KIF2B: variants seen among roughly 807,000 people sequenced by gnomAD.
KIF2B encodes the protein kinesin family member 2B.
KIF2B carries 5 observed loss-of-function variants against 6.8 expected under a neutral mutation model. The ratio of observed to expected loss-of-function variants is 0.74; its 90% confidence interval spans 0.39 to 1.55. The LOEUF is 1.55. KIF2B is among the 40% of genes most tolerant of loss of function. The probability of loss-of-function intolerance (pLI) is 0.03; values close to 1 mark genes in which losing one functional copy is unlikely to be tolerated. For synonymous variants in KIF2B, 370 were observed against 330.7 expected (o/e 1.12, Z -1.29); for missense variants, 908 against 831.3 (o/e 1.09, Z -1.13).
At position 53,823,287 on chromosome 17, in the gene KIF2B, C is replaced by G. The variant is rs1327414049; in HGVS notation, c.254C>G (p.Ser85Cys). 1.9e-6 allele frequency: 3 copies of G among 1,614,192 alleles called. No homozygotes were observed. Among genetic ancestry groups the G allele is most frequent in the Non-Finnish European group, 2.5e-6 (3 of 1,180,038 alleles). The change falls in exon 1 of 1, where the codon TCT (serine) becomes TGT (cysteine). Residue 85 changes from serine to cysteine, a missense_variant. Transcript: ENST00000268919. ...TILLLNPALD[S>C]AEHPMPPPPL... Reference sequence around the variant, plus strand: ...CTCCTGCTGAATCCAGCTCTGGACTCTGCTGAACACCCCATGCCGCCCCCG... The same window carrying G: ...CTCCTGCTGAATCCAGCTCTGGACTGTGCTGAACACCCCATGCCGCCCCCG...
Position 53,823,874 on chromosome 17 carries a change from C to T in KIF2B, c.841C>T (p.Gln281Ter), listed in dbSNP as rs2143782279. 1 of 1,614,230 alleles carries T rather than the reference C, an allele frequency of 6.2e-7. No homozygotes were observed. Among genetic ancestry groups the T allele is most frequent in the Non-Finnish European group, 8.5e-7 (1 of 1,180,036 alleles). Reference sequence around the variant, plus strand: ...CAAAGCCTCCAACGAGTTGGTGTACCAGTTCACCGCCCAGCCACTGGTGGA... The same window carrying T: ...CAAAGCCTCCAACGAGTTGGTGTACTAGTTCACCGCCCAGCCACTGGTGGA... ...DDKASNELVYQFTAQPLVESI... is the reference protein window; with the variant it reads ...DDKASNELVY Residue 281 changes from glutamine (Q) to a stop codon, truncating the protein, a stop_gained, in exon 1 of 1, where the codon CAG becomes TAG. Coordinates refer to ENST00000268919, the MANE Select transcript of KIF2B (RefSeq NM_032559.5). LOFTEE classifies it low-confidence loss of function (END_TRUNC).
chr17:53,824,924 C>A lies in KIF2B; in HGVS notation c.1891C>A (p.His631Asn). The A allele has an allele frequency of 6.2e-7, 1 of 1,614,060 alleles. No individual in the cohort carries two copies. Among genetic ancestry groups the A allele is most frequent in the Non-Finnish European group, 8.5e-7 (1 of 1,179,994 alleles). The change falls in exon 1 of 1, where the codon CAC becomes AAC. Residue 631 changes from histidine to asparagine, a missense_variant. His to Asn is a moderately conservative substitution (Grantham distance 68, BLOSUM62 1). Coordinates refer to ENST00000268919, the MANE Select transcript of KIF2B (RefSeq NM_032559.5). The part of the protein sequence containing the change: ...ENIQERAGGV[H>N]HDIDFCIARS... ...CATCCAGGAGAGAGCTGGTGGAGTA[C>A]ACCATGATATTGATTTTTGCATTGC...
Position 53,824,762 on chromosome 17 carries a change from C to T in KIF2B, c.1729C>T (p.Gln577Ter), listed in dbSNP as rs1307780614. ...CATCGGAAATTCAGAAATGTCCCTT[C>T]AGAGGGATGAATTTATTAAAATACC... ...SHIGNSEMSL[Q>*]RDEFIKIPYV... Residue 577 changes from glutamine to a stop codon, truncating the protein, a stop_gained, in exon 1 of 1, where the codon CAG becomes TAG. Transcript: ENST00000268919. LOFTEE classifies it low-confidence loss of function (END_TRUNC). The T allele has an allele frequency of 6.2e-7, 1 of 1,614,098 alleles. No homozygotes were observed. The highest frequency in any genetic ancestry group is 1.3e-5 in the African/African-American group (1 of 75,034).
At position 53,823,633 on chromosome 17, in the gene KIF2B, C is replaced by G. The variant is rs770735164; in HGVS notation, c.600C>G (p.Ser200Arg). 6.2e-7 allele frequency: 1 copy of G among 1,613,730 alleles called. No individual in the cohort carries two copies. The highest frequency in any genetic ancestry group is 8.5e-7 in the Non-Finnish European group (1 of 1,180,044). Reference protein sequence around the residue: ...MIEEYRRHLDSSKISVLEPPQ... With the variant: ...MIEEYRRHLDRSKISVLEPPQ... ...AAGAGTATCGCAGGCACCTGGACAG[C>G]AGCAAGATCTCAGTCCTGGAGCCCC... Residue 200 changes from serine to arginine, a missense_variant, in exon 1 of 1, where the codon AGC (serine) becomes AGG (arginine). Physicochemically the swap from Ser to Arg is moderately radical, Grantham distance 110. Transcript: ENST00000268919.
rs768727956 is a variant in KIF2B at position 53,824,485 on chromosome 17, T to C, written c.1452T>C (p.Ala484=). ...TAGCCCTCAAAGAATGTATTCTGGC[T>C]TTGGGTCAGAACAAGCCTCACACCC... is the stretch of plus-strand genomic sequence containing the variant. ...SLLALKECIL[A]LGQNKPHTPF... The change falls in exon 1 of 1, where the codon GCT becomes GCC. Residue 484 remains alanine, a synonymous_variant. Coordinates refer to ENST00000268919, the MANE Select transcript of KIF2B (RefSeq NM_032559.5). The C allele has an allele frequency of 3.7e-6, 6 of 1,614,134 alleles. No homozygotes were observed. The South Asian group carries it at 6.6e-5, about 18-fold the overall frequency.
rs150987659 is a variant in KIF2B at position 53,824,939 on chromosome 17, T to A, written c.1906T>A (p.Phe636Ile). The A allele has an allele frequency of 1.2e-6, 2 of 1,613,986 alleles. No individual in the cohort carries two copies. Among genetic ancestry groups the A allele is most frequent in the Non-Finnish European group, 1.7e-6 (2 of 1,180,014 alleles). Reference protein sequence around the residue: ...RAGGVHHDIDFCIARSLSILE... With the variant: ...RAGGVHHDIDICIARSLSILE... The stretch of plus-strand genomic sequence containing the variant: ...TGGTGGAGTACACCATGATATTGAT[T>A]TTTGCATTGCCCGGTCTTTGTCCAT... The change falls in exon 1 of 1, where the codon TTT (phenylalanine) becomes ATT (isoleucine). Residue 636 changes from phenylalanine (F) to isoleucine (I), a missense_variant. By Grantham distance (21) the Phe-to-Ile change is conservative. Transcript: ENST00000268919.
rs1040618464 is a variant in KIF2B, at chr17:53,823,120, C to T, written c.87C>T (p.Gly29=). The change falls in exon 1 of 1, where the codon GGC becomes GGT. Residue 29 remains glycine, a synonymous_variant. Transcript: ENST00000268919. Reference sequence around the variant, plus strand: ...CACATTTCGGAGACATCCAAGAGGGCATCTACGTGGCGATCCAGCGCAGTG... The same window carrying T: ...CACATTTCGGAGACATCCAAGAGGGTATCTACGTGGCGATCCAGCGCAGTG... ...LKPHFGDIQE[G]IYVAIQRSDK... The T allele has an allele frequency of 6.2e-7, 1 of 1,614,206 alleles. No homozygotes were observed. Among genetic ancestry groups the T allele is most frequent in the Non-Finnish European group, 8.5e-7 (1 of 1,180,032 alleles).
At position 53,824,292 on chromosome 17, in the gene KIF2B, C is replaced by A. The variant is rs113829988; in HGVS notation, c.1259C>A (p.Ala420Asp). The A allele has an allele frequency of 6.2e-7, 1 of 1,614,112 alleles. No homozygotes were observed. Residue 420 changes from alanine to aspartate, a missense_variant, in exon 1 of 1, where the codon GCT becomes GAT. Ala to Asp is a moderately radical substitution (Grantham distance 126, BLOSUM62 -2). Coordinates refer to ENST00000268919, the MANE Select transcript of KIF2B (RefSeq NM_032559.5). ...ACTTCCAGGCAAACACCTGTCAACGCTCACTCATCCAGGAGCCATGCAGTG... is the reference window on the plus strand; with the variant it reads ...ACTTCCAGGCAAACACCTGTCAACGATCACTCATCCAGGAGCCATGCAGTG... ...CRTSRQTPVN[A>D]HSSRSHAVFQ...
Position 53,823,182 on chromosome 17 carries a change from A to C in KIF2B, c.149A>C (p.Asn50Thr). 1 of 1,614,246 alleles carries C rather than the reference A, an allele frequency of 6.2e-7. No homozygotes were observed. The highest frequency in any genetic ancestry group is 8.5e-7 in the Non-Finnish European group (1 of 1,180,050). ...CACCTCGCTGTGGTCACGGAGATCA[A>C]CAGAGAAAACTATTGGGTCACGGTA... ...RIHLAVVTEI[N>T]RENYWVTVEW... The change falls in exon 1 of 1, where the codon AAC becomes ACC. Residue 50 changes from asparagine (N) to threonine (T), a missense_variant. By Grantham distance (65) the Asn-to-Thr change is moderately conservative. Coordinates refer to ENST00000268919, the MANE Select transcript of KIF2B (RefSeq NM_032559.5).
chr17:53,823,011 C>A lies in KIF2B; in HGVS notation c.-23C>A. 1 of 1,603,118 alleles carries A rather than the reference C, an allele frequency of 6.2e-7. No homozygotes were observed. The highest frequency in any genetic ancestry group is 1.1e-5 in the South Asian group (1 of 89,380). ...CCAACCCCAAGGGCCCTGGAGCGCTCCCTGATACCTCCATCACTCACCATG... is the reference window on the plus strand; with the variant it reads ...CCAACCCCAAGGGCCCTGGAGCGCTACCTGATACCTCCATCACTCACCATG... On this transcript the variant is annotated 5_prime_UTR_variant, in exon 1 of 1. Coordinates refer to ENST00000268919, the MANE Select transcript of KIF2B (RefSeq NM_032559.5).
In KIF2B at chr17:53,823,322, C is replaced by T. The variant is rs2143778868; in HGVS notation, c.289C>T (p.Pro97Ser). The stretch of plus-strand genomic sequence containing the variant: ...CCCCATGCCGCCCCCGCCCTTATCC[C>T]CCTTGGCTCTGGCGCCCTCTTCGGC... ...EHPMPPPPLSPLALAPSSAIR... is the reference protein window; with the variant it reads ...EHPMPPPPLSSLALAPSSAIR... The change falls in exon 1 of 1, where the codon CCC (proline) becomes TCC (serine). Residue 97 changes from proline to serine, a missense_variant. Coordinates refer to ENST00000268919, the MANE Select transcript of KIF2B (RefSeq NM_032559.5). The T allele has an allele frequency of 1.2e-6, 2 of 1,614,180 alleles. No homozygotes were observed. Among genetic ancestry groups the T allele is most frequent in the Non-Finnish European group, 1.7e-6 (2 of 1,180,036 alleles).
In KIF2B at chr17:53,823,081, G is replaced by A. The variant is rs1395173995; in HGVS notation, c.48G>A (p.Leu16=). 6.2e-7 allele frequency: 1 copy of A among 1,614,118 alleles called. No homozygotes were observed. ...CTGAATCCCCATGTCTCTCGCCCCT[G>A]AAACCCTTGAAGCCACATTTCGGAG... The part of the protein sequence containing the change: ...CLPESPCLSP[L]KPLKPHFGDI... Residue 16 remains leucine (L), a synonymous_variant, in exon 1 of 1, where the codon CTG becomes CTA. Transcript: ENST00000268919.
chr17:53,823,654 G>A lies in KIF2B; in HGVS notation c.621G>A (p.Glu207=), dbSNP rs1449209118. 2 of 1,613,838 alleles carry A rather than the reference G, an allele frequency of 1.2e-6. No individual in the cohort carries two copies. The highest frequency in any genetic ancestry group is 1.7e-6 in the Non-Finnish European group (2 of 1,180,062). ...HLDSSKISVL[E]PPQEHRICVC... ...ACAGCAGCAAGATCTCAGTCCTGGA[G>A]CCCCCGCAAGAACATCGCATCTGCG... Residue 207 remains glutamate (E), a synonymous_variant, in exon 1 of 1, where the codon GAG becomes GAA. Coordinates refer to ENST00000268919, the MANE Select transcript of KIF2B (RefSeq NM_032559.5).
At position 53,824,231 on chromosome 17, in the gene KIF2B, G is replaced by A. The variant is rs1906498446; in HGVS notation, c.1198G>A (p.Val400Met). 1.2e-6 allele frequency: 2 copies of A among 1,614,184 alleles called. No homozygotes were observed. The highest frequency in any genetic ancestry group is 1.7e-6 in the Non-Finnish European group (2 of 1,180,036). The change falls in exon 1 of 1, where the codon GTG becomes ATG. Residue 400 changes from valine (V) to methionine (M), a missense_variant. Coordinates refer to ENST00000268919, the MANE Select transcript of KIF2B (RefSeq NM_032559.5). ...GAAAGAGGTGTGTTGTGTGGAGGAA[G>A]TGCTGAACCTGGTGGAAATAGGGAA... ...QEKEVCCVEE[V>M]LNLVEIGNSC...
At position 53,824,162 on chromosome 17, in the gene KIF2B, C is replaced by T. The variant is rs1906495803; in HGVS notation, c.1129C>T (p.Leu377Phe). 2.5e-6 allele frequency: 4 copies of T among 1,614,140 alleles called. No individual in the cohort carries two copies. Among genetic ancestry groups the T allele is most frequent in the Admixed American group, 1.7e-5 (1 of 60,016 alleles). Reference sequence around the variant, plus strand: ...GAACTGGAAGAAGAAGCTGCAAGTCCTTGAGGATGGCAATCAGCAAATCCA... The same window carrying T: ...GAACTGGAAGAAGAAGCTGCAAGTCTTTGAGGATGGCAATCAGCAAATCCA... ...LLNWKKKLQV[L>F]EDGNQQIQVV... The change falls in exon 1 of 1, where the codon CTT becomes TTT. Residue 377 changes from leucine to phenylalanine, a missense_variant. Coordinates refer to ENST00000268919, the MANE Select transcript of KIF2B (RefSeq NM_032559.5).
At position 53,823,992 on chromosome 17, in the gene KIF2B, C is replaced by T. The variant is rs368097093; in HGVS notation, c.959C>T (p.Thr320Met). 16 of 1,614,212 alleles carry T rather than the reference C, an allele frequency of 9.9e-6. No homozygotes were observed. Among genetic ancestry groups the T allele is most frequent in the South Asian group, 4.4e-5 (4 of 91,090 alleles). The stretch of plus-strand genomic sequence containing the variant: ...ACCATGGGTGGAGACTTTTCAGGAA[C>T]GGCCCAAGATTGTTCTAAGGGCATT... ...TYTMGGDFSG[T>M]AQDCSKGIYA... The change falls in exon 1 of 1, where the codon ACG (threonine) becomes ATG (methionine). Residue 320 changes from threonine to methionine, a missense_variant. Transcript: ENST00000268919.
rs2143781400 is a variant in KIF2B at position 53,823,732 on chromosome 17, G to A, written c.699G>A (p.Leu233=). The part of the protein sequence containing the change: ...LNQRETTLKD[L]DIITVPSDNV... ...AGCGAGAGACAACCTTAAAGGACCT[G>A]GATATCATCACCGTCCCCTCGGACA... The change falls in exon 1 of 1, where the codon CTG becomes CTA. Residue 233 remains leucine (L), a synonymous_variant. Coordinates refer to ENST00000268919, the MANE Select transcript of KIF2B (RefSeq NM_032559.5). 1.2e-6 allele frequency: 2 copies of A among 1,614,164 alleles called. No homozygotes were observed. The highest frequency in any genetic ancestry group is 1.7e-6 in the Non-Finnish European group (2 of 1,180,022).
rs1319076815 is a variant in KIF2B, at chr17:53,825,009, T to C, written c.1976T>C (p.Leu659Pro). 4 of 1,613,650 alleles carry C rather than the reference T, an allele frequency of 2.5e-6. No individual in the cohort carries two copies. Among genetic ancestry groups the C allele is most frequent in the Non-Finnish European group, 3.4e-6 (4 of 1,179,800 alleles). ...IDALTEIQKK[L>P]KLLLADLHVK... ...GCTCTGACCGAGATCCAAAAGAAAC[T>C]GAAATTATTACTAGCTGACCTCCAC... Residue 659 changes from leucine (L) to proline (P), a missense_variant, in exon 1 of 1, where the codon CTG becomes CCG. Coordinates refer to ENST00000268919, the MANE Select transcript of KIF2B (RefSeq NM_032559.5).
chr17:53,823,646 G>C lies in KIF2B; in HGVS notation c.613G>C (p.Val205Leu), dbSNP rs144963921. Residue 205 changes from valine (V) to leucine (L), a missense_variant, in exon 1 of 1, where the codon GTC (valine) becomes CTC (leucine). Physicochemically the swap from Val to Leu is conservative, Grantham distance 32 (BLOSUM62 1). Coordinates refer to ENST00000268919, the MANE Select transcript of KIF2B (RefSeq NM_032559.5). Reference protein sequence around the residue: ...RRHLDSSKISVLEPPQEHRIC... With the variant: ...RRHLDSSKISLLEPPQEHRIC... ...GCACCTGGACAGCAGCAAGATCTCA[G>C]TCCTGGAGCCCCCGCAAGAACATCG... 177 of 1,613,762 alleles carry C rather than the reference G, an allele frequency of 1.1e-4. No homozygotes were observed. The highest frequency in any genetic ancestry group is 1.6e-5 in the Non-Finnish European group (19 of 1,180,054).
Sources: gnomAD v4.1 joint callset for allele counts on GRCh38, gnomAD v4.1.1 for gene constraint, MANE v1.5 for transcripts, NCBI Gene and HGNC (gene_info 2026-07-23, HGNC 2026-07-21) for gene names.